Variants in RAP1GDS1 observed in about 807,000 individuals in gnomAD.
RAP1GDS1 encodes the protein RAP1, GTP-GDP dissociation stimulator 1.
Under a neutral mutation model 71.1 loss-of-function variants are expected in RAP1GDS1, and 35 were observed. The ratio of observed to expected loss-of-function variants is 0.49; its 90% CI spans 0.38 to 0.65. The LOEUF is 0.65. Among genes scored for constraint, RAP1GDS1 ranks in the 30% least tolerant of loss-of-function variants. The pLI is 0.00. For missense variants in RAP1GDS1, 663 were observed against 706.1 expected (o/e 0.94, Z 0.69); for synonymous variants, 229 against 243.1 (o/e 0.94, Z 0.54).
intron 2 of RAP1GDS1, among the ~76,000 whole-genome samples, chr4:98,309,396 T>C (rs1729862591): frequency 1.3e-5 from 2 of 152,156 alleles, no homozygotes; most frequent in South Asian, 4.1e-4. Flanking sequence ...AATTTATAAA[T>C]CTGTTATTTC....
intron 4 of RAP1GDS1, among the ~76,000 whole-genome samples, chr4:98,360,447 A>G (rs1259728339): frequency 6.6e-6 from 1 of 151,248 alleles, no homozygotes; most frequent in East Asian, 2.0e-4. Flanking sequence ...GGAAAAGTCT[A>G]ATTATAGAGG....
At chr4:98,317,810 G>T (rs1731163542) in intron 2 of RAP1GDS1, among the ~76,000 whole-genome samples, 1 of 146,390 alleles carries the variant, frequency 6.8e-6, no homozygotes, top group Admixed American at 7.1e-5. Context: ...CCTGATATTT[G>T]ACTATATATA....
At chr4:98,279,479 T>G (rs947039984) in intron 1 of RAP1GDS1, among the ~76,000 whole-genome samples, 9 of 151,626 alleles carry the variant, frequency 5.9e-5, no homozygotes, top group Admixed American at 5.2e-4. Context: ...TTTTTTCATA[T>G]GGAAAAAAAC....
chr4:98,437,854 A>G (rs1335722315), intron 14 of RAP1GDS1, among the ~76,000 whole-genome samples: 5 of 151,800 alleles, frequency 3.3e-5, no homozygotes, highest in Admixed American at 2.6e-4. Flanking sequence ...GGACATTGGC[A>G]TATCTTGGTA....
rs1175763681 is a variant in RAP1GDS1 at position 98,343,237 on chromosome 4, A to G, written c.211A>G (p.Ile71Val). The G allele has an allele frequency of 1.2e-6, 2 of 1,606,062 alleles. No individual in the cohort carries two copies. Among genetic ancestry groups the G allele is most frequent in the Non-Finnish European group, 1.7e-6 (2 of 1,172,726 alleles). The change falls in exon 3 of 15, where the codon ATC becomes GTC. Residue 71 changes from isoleucine to valine, a missense_variant. By Grantham distance (29) the Ile-to-Val change is conservative (BLOSUM62 3). Coordinates refer to ENST00000408927, the MANE Select transcript of RAP1GDS1 (RefSeq NM_001100427.2). The stretch of plus-strand genomic sequence containing the variant: ...TTCCTGCAAAGCCAAAGTAGCTAAC[A>G]TCATAGCAGAAGTAGCCAAAAATGG... ...QSSCKAKVAN[I>V]IAEVAKNEFM...
At chr4:98,389,383 T>C (rs1407629865) in intron 5 of RAP1GDS1, among the ~76,000 whole-genome samples, 1 of 152,056 alleles carries the variant, frequency 6.6e-6, no homozygotes, top group African/African-American at 2.4e-5. Flanking sequence ...GTGAACAAAT[T>C]TTAGAATTAT....
At chr4:98,290,993 A>G (rs977294244) in intron 1 of RAP1GDS1, among the ~76,000 whole-genome samples, 1 of 152,166 alleles carries the variant, frequency 6.6e-6, no homozygotes, top group Admixed American at 6.6e-5. Flanking sequence ...GACCAAAAAC[A>G]AGTGTTTAGA....
intron 14 of RAP1GDS1, 92 bp downstream of exon 14, chr4:98,437,160 T>C: frequency 7.8e-7 from 1 of 1,281,356 alleles, no homozygotes; most frequent in Non-Finnish European, 1.0e-6. Flanking sequence ...TTTTGGGTTT[T>C]AAAGCCGTTA....
chr4:98,300,174 G>A (rs1728366200), intron 2 of RAP1GDS1, among the ~76,000 whole-genome samples: 2 of 152,140 alleles, frequency 1.3e-5, no homozygotes, highest in Admixed American at 1.3e-4. Context: ...AGTTGACATA[G>A]CCACCTAACC....
chr4:98,283,370 T>G (rs1168237993), intron 1 of RAP1GDS1, among the ~76,000 whole-genome samples: 1 of 152,150 alleles, frequency 6.6e-6, no homozygotes, highest in Non-Finnish European at 1.5e-5. Context: ...ATAAAAACTG[T>G]CCAGTGTGTC....
At chr4:98,322,753 T>C (rs1409134380) in intron 2 of RAP1GDS1, among the ~76,000 whole-genome samples, 1 of 125,012 alleles carries the variant, frequency 8.0e-6, no homozygotes, top group Admixed American at 8.1e-5. Flanking sequence ...CCAGAATCTC[T>C]GGGACGCATT....
chr4:98,381,251 C>T (rs1052508412), intron 5 of RAP1GDS1, among the ~76,000 whole-genome samples: 1 of 151,312 alleles, frequency 6.6e-6, no homozygotes, highest in Non-Finnish European at 1.5e-5. Context: ...TAAAACTTAT[C>T]GAATAAAAAA....
chr4:98,384,159 C>T (rs1391926743), intron 5 of RAP1GDS1, among the ~76,000 whole-genome samples: 3 of 151,170 alleles, frequency 2.0e-5, no homozygotes, highest in Non-Finnish European at 4.4e-5. Context: ...ACTAATTTTC[C>T]ATCATACTAC....
At position 98,443,699 on chromosome 4, in the gene RAP1GDS1, A is replaced by G. The variant is rs1752138879; in HGVS notation, c.*1582A>G. ...CCTTTGATGTCCAAATAAGGGAACTATTGTGAGTACGTATGCTACACTTAC... is the reference window on the plus strand; with the variant it reads ...CCTTTGATGTCCAAATAAGGGAACTGTTGTGAGTACGTATGCTACACTTAC... On this transcript the variant is annotated 3_prime_UTR_variant, in exon 15 of 15. Transcript: ENST00000408927. The G allele has an allele frequency of 5.0e-6, 1 of 201,212 alleles. No homozygotes were observed. Among genetic ancestry groups the G allele is most frequent in the East Asian group, 7.7e-5 (1 of 12,974 alleles). The allele number at this position is 201,212 out of a possible 1,614,324, so 12.5% of individuals were successfully genotyped here. A position where few individuals can be genotyped will look rare whatever the true frequency, so the allele number is the denominator to read the frequency against.
chr4:98,418,912 T>C (rs982677875), intron 10 of RAP1GDS1, 121 bp downstream of exon 10: 1 of 993,426 alleles, frequency 1.0e-6, no homozygotes, highest in Non-Finnish European at 1.4e-6. Flanking sequence ...AAAATAGTCT[T>C]CACATTGTTC....
chr4:98,417,270 A>C (rs1042682511), intron 8 of RAP1GDS1, 97 bp from the exon 9 acceptor site: 2 of 1,187,750 alleles, frequency 1.7e-6, no homozygotes, highest in African/African-American at 1.5e-5. Flanking sequence ...ACAGTTTGTG[A>C]GGTGTGAGTT....
rs755118933 is a variant in RAP1GDS1, at chr4:98,404,535, C to G, written c.696C>G (p.Phe232Leu). The change falls in exon 7 of 15, where the codon TTC (phenylalanine) becomes TTG (leucine). Residue 232 changes from phenylalanine to leucine, a missense_variant. Phe to Leu is a conservative substitution (Grantham distance 22, BLOSUM62 0). Transcript: ENST00000408927. ...TNIAEELVKL[F>L]KKQIEHDKRE... is the part of the protein sequence containing the mutation. ...TTGCTGAAGAGCTAGTAAAACTCTT[C>G]AAGAAACAAATAGAACATGATAAGA... 20 of 1,607,714 alleles carry G rather than the reference C, an allele frequency of 1.2e-5. No individual in the cohort carries two copies. The highest frequency in any genetic ancestry group is 1.6e-5 in the Non-Finnish European group (19 of 1,177,366).
At chr4:98,285,832 A>C (rs1318695392) in intron 1 of RAP1GDS1, among the ~76,000 whole-genome samples, 1 of 147,502 alleles carries the variant, frequency 6.8e-6, no homozygotes, top group Non-Finnish European at 1.5e-5. Context: ...AATAATTATA[A>C]ATAAATTATA....
chr4:98,394,728 C>G (rs1446491902), intron 6 of RAP1GDS1, among the ~76,000 whole-genome samples: 1 of 152,038 alleles, frequency 6.6e-6, no homozygotes, highest in Non-Finnish European at 1.5e-5. Flanking sequence ...AGACAAATAA[C>G]TTACATATTT....
Sources: gnomAD v4.1 joint callset for allele counts (sites outside exome capture counted in the v4.1 genomes callset) on GRCh38, gnomAD v4.1.1 for gene constraint, MANE v1.5 for transcripts, NCBI Gene and HGNC (gene_info 2026-07-23, HGNC 2026-07-21) for gene names.